Variants in GPR107 observed in about 807,000 individuals in gnomAD.
GPR107 encodes G protein-coupled receptor 107.
In GPR107, 31 loss-of-function variants were observed where a neutral mutation model predicts 75.5. That is an observed-to-expected ratio of 0.41 (90% CI 0.31 to 0.55). The LOEUF is 0.55. GPR107 is among the 20% of genes least tolerant of loss of function. The pLI, the probability that GPR107 is intolerant of heterozygous loss-of-function variation, is 0.26. For synonymous variants in GPR107, 267 were observed against 251.3 expected (o/e 1.06, Z -0.59); for missense variants, 572 against 665.7 (o/e 0.86, Z 1.55).
chr9:130,137,067 A>G lies in GPR107; in HGVS notation c.*1946A>G, dbSNP rs1385526132. ...AATGTGTCTCAATCTGTGACTACCA[A>G]AGCCCTCCTCAGTCCTTCCCTCAGA... On this transcript the variant is annotated 3_prime_UTR_variant, in exon 18 of 18. Transcript: ENST00000347136. 6.6e-6 allele frequency: 1 copy of G among 152,220 alleles called. No homozygotes were observed. Among genetic ancestry groups the G allele is most frequent in the Non-Finnish European group, 1.5e-5 (1 of 68,038 alleles). The allele number at this position is 152,220 out of a possible 1,614,324, so 9.4% of individuals were successfully genotyped here.
At chr9:130,121,995 A>G (rs1016917151) in intron 14 of GPR107, among the ~76,000 whole-genome samples, 2 of 151,518 alleles carry the variant, frequency 1.3e-5, no homozygotes, top group Admixed American at 1.3e-4. Context: ...GGTTCATGCC[A>G]TTCTCCTGCT....
At chr9:130,077,123 C>A (rs974307765) in intron 3 of GPR107, among the ~76,000 whole-genome samples, 176 bp from the exon 4 acceptor site, 3 of 151,136 alleles carry the variant, frequency 2.0e-5, no homozygotes, top group African/African-American at 7.3e-5. Context: ...CCTGACCTCA[C>A]GATCCACCCA....
At chr9:130,062,652 G>GCCTTCCTT (rs1470600128) in intron 1 of GPR107, among the ~76,000 whole-genome samples, 2 of 110,940 alleles carry the variant, frequency 1.8e-5, no homozygotes, top group African/African-American at 3.2e-5. Context: ...CTGCCTGCCT[G>GCCTTCCTT]CCTGCCTGCC....
At chr9:130,122,433 G>A (rs1831571024) in intron 14 of GPR107, among the ~76,000 whole-genome samples, 1 of 152,156 alleles carries the variant, frequency 6.6e-6, no homozygotes, top group Admixed American at 6.5e-5. Context: ...GAGGGCGAAG[G>A]TTAAAATCCC....
rs78531888 is a variant in GPR107, at chr9:130,138,357, C to T, written c.*3236C>T. 5,491 of 152,296 alleles carry T rather than the reference C, an allele frequency of 0.036. 151 individuals are homozygous for T. The highest frequency in any genetic ancestry group is 0.07 in the Admixed American group (1,070 of 15,282). 9.4% of individuals were successfully genotyped at this position (152,296 alleles called of 1,614,324 possible). A position where few individuals can be genotyped will look rare whatever the true frequency, so the allele number is the denominator to read the frequency against. ...CCACCTCGTGTGGGTGAGATTTCCT[C>T]CTGCGTGATGACCTCATCGCCATCT... is the stretch of plus-strand genomic sequence containing the variant. On this transcript the variant is annotated 3_prime_UTR_variant, in exon 18 of 18. Coordinates refer to ENST00000347136, the MANE Select transcript of GPR107 (RefSeq NM_020960.5).
At chr9:130,078,342 T>C (rs1003354992) in intron 4 of GPR107, among the ~76,000 whole-genome samples, 1 of 151,926 alleles carries the variant, frequency 6.6e-6, no homozygotes, top group African/African-American at 2.4e-5. Flanking sequence ...GGATTTGAGA[T>C]GAACAAGACT....
In GPR107 at chr9:130,107,532, T is replaced by C; in HGVS notation, c.1299T>C (p.Asp433=). The C allele has an allele frequency of 6.3e-7, 1 of 1,595,016 alleles. No individual in the cohort carries two copies. Among genetic ancestry groups the C allele is most frequent in the Non-Finnish European group, 8.6e-7 (1 of 1,162,538 alleles). ...ATTTACAAGAAGCATCAGCAACAGA[T>C]GGAAAAGGCAAGTTCTCTCGTGCTC... ...IRHLQEASAT[D]GKAAINLAKL... is the part of the protein sequence containing the mutation. The change falls in exon 14 of 18, where the codon GAT becomes GAC. Residue 433 remains aspartate (D), a synonymous_variant. Transcript: ENST00000347136.
intron 1 of GPR107, among the ~76,000 whole-genome samples, chr9:130,073,595 A>C (rs1312744857): frequency 6.6e-6 from 1 of 152,198 alleles, no homozygotes; most frequent in Non-Finnish European, 1.5e-5. Context: ...TTTTCACCAC[A>C]TAGCCAAGCT....
At chr9:130,086,295 A>G in intron 6 of GPR107, 125 bp from the exon 7 acceptor site, 1 of 660,088 alleles carries the variant, frequency 1.5e-6, no homozygotes, top group East Asian at 2.6e-5. Flanking sequence ...ATTTTCAGAG[A>G]GCTTTTTTGA....
chr9:130,097,186 A>C (rs1589509468), intron 9 of GPR107, among the ~76,000 whole-genome samples: 3 of 119,080 alleles, frequency 2.5e-5, no homozygotes, highest in African/African-American at 6.5e-5. Flanking sequence ...ACAGAGTCTC[A>C]CTCTGTCACC....
rs1831321819 is a variant in GPR107, at chr9:130,112,103, A to G, written c.1306+4564A>G. Among the ~76,000 whole-genome samples the G allele has an allele frequency of 1.3e-5, 2 of 152,132 alleles. No homozygotes were observed. The highest frequency in any genetic ancestry group is 6.5e-5 in the Admixed American group (1 of 15,284). On this transcript the variant is annotated intron_variant, in intron 14 of 17. Transcript: ENST00000347136. This position sits in a 1 kb window ranked among gnomAD's most constrained non-coding sequence, Gnocchi z 4.0. ...GCGTCGAGATACACACCGTAAATTT[A>G]ATTAACAGTCTCTGCTGCTCACCAT...
At position 130,138,294 on chromosome 9, in the gene GPR107, A is replaced by T. The variant is rs1364893282; in HGVS notation, c.*3173A>T. ...TATCCAGGGTTTCCCCGCCCTGGAC[A>T]TGTCCAGCCTGCCCAGGCAGCACAC... On this transcript the variant is annotated 3_prime_UTR_variant, in exon 18 of 18. Transcript: ENST00000347136. 1 of 152,144 alleles carries T rather than the reference A, an allele frequency of 6.6e-6. No individual in the cohort carries two copies. Among genetic ancestry groups the T allele is most frequent in the Admixed American group, 6.5e-5 (1 of 15,268 alleles). 9.4% of individuals were successfully genotyped at this position (152,144 alleles called of 1,614,324 possible). A position where few individuals can be genotyped will look rare whatever the true frequency, so the allele number is the denominator to read the frequency against.
intron 17 of GPR107, among the ~76,000 whole-genome samples, chr9:130,132,549 G>C (rs1554899265): frequency 1.3e-5 from 2 of 152,208 alleles, no homozygotes; most frequent in Non-Finnish European, 2.9e-5. Flanking sequence ...CACTTTGGGA[G>C]GCCGAGGCAG....
At chr9:130,092,485 TC>T in intron 9 of GPR107, 104 bp downstream of exon 9, 1 of 938,028 alleles carries the variant, frequency 1.1e-6, no homozygotes, top group Admixed American at 1.9e-5. Flanking sequence ...GCAGTGTTGT[TC>T]CTTTCAAAGG....
At chr9:130,091,522 C>T (rs1362972825) in intron 8 of GPR107, among the ~76,000 whole-genome samples, 2 of 144,694 alleles carry the variant, frequency 1.4e-5, no homozygotes, top group Non-Finnish European at 1.5e-5. Flanking sequence ...TTTGCTGGTA[C>T]TCACTTTTTT....
In GPR107 at chr9:130,092,251, G is replaced by A; in HGVS notation, c.733G>A (p.Glu245Lys). ...SDKFTFSLDIEITEKNPDSYL... is the reference protein window; with the variant it reads ...SDKFTFSLDIKITEKNPDSYL... ...ATTAATTTCATGCTGGTTTCAGATTGAGATCACAGAGAAGAATCCTGACAG... is the reference window on the plus strand; with the variant it reads ...ATTAATTTCATGCTGGTTTCAGATTAAGATCACAGAGAAGAATCCTGACAG... Residue 245 changes from glutamate to lysine, a missense_variant, in exon 9 of 18, where the codon GAG becomes AAG. By Grantham distance (56) the Glu-to-Lys change is moderately conservative. Coordinates refer to ENST00000347136, the MANE Select transcript of GPR107 (RefSeq NM_020960.5). The A allele has an allele frequency of 6.2e-7, 1 of 1,610,292 alleles. No homozygotes were observed. Among genetic ancestry groups the A allele is most frequent in the Non-Finnish European group, 8.5e-7 (1 of 1,176,732 alleles).
chr9:130,055,972 A>T (rs969423741), intron 1 of GPR107, among the ~76,000 whole-genome samples: 1 of 151,592 alleles, frequency 6.6e-6, no homozygotes, highest in Non-Finnish European at 1.5e-5. Flanking sequence ...TAAATAAATA[A>T]ATGCAAGCCT....
chr9:130,114,555 A>G (rs916783872), intron 14 of GPR107: 10 of 438,350 alleles, frequency 2.3e-5, no homozygotes, highest in Admixed American at 1.7e-4. Flanking sequence ...ACTAATTTTT[A>G]AAATTTTTTT....
At position 130,069,984 on chromosome 9, in the gene GPR107, C is replaced by CTTTTTTTTTTTT. The variant is rs1045979986; in HGVS notation, c.142-5636_142-5625dup. ...AGGCATAAGCCACCGTGCCTGGCCT[C>CTTTTTTTTTTTT]TTTTTTTTTTTTTTTTTTTTTTTTT... is the stretch of plus-strand genomic sequence containing the variant. On this transcript the variant is annotated intron_variant, in intron 1 of 17. Transcript: ENST00000347136. Among the ~76,000 whole-genome samples, 296 of 45,004 alleles carry CTTTTTTTTTTTT rather than the reference C, an allele frequency of 6.6e-3. 6 individuals are homozygous for CTTTTTTTTTTTT. The highest frequency in any genetic ancestry group is 8.1e-3 in the Non-Finnish European group (192 of 23,792). 29.5% of individuals were successfully genotyped at this position (45,004 alleles called of 152,430 possible). A position where few individuals can be genotyped will look rare whatever the true frequency, so the allele number is the denominator to read the frequency against.
Sources: gnomAD v4.1 joint callset for allele counts (sites outside exome capture counted in the v4.1 genomes callset) on GRCh38, gnomAD v4.1.1 for gene constraint, Gnocchi (gnomAD v3.1) non-coding constraint, MANE v1.5 for transcripts, NCBI Gene and HGNC (gene_info 2026-07-23, HGNC 2026-07-21) for gene names.